ALPL: variants seen among roughly 807,000 people sequenced by gnomAD.
The protein encoded by ALPL is alkaline phosphatase, biomineralization associated.
In ALPL, 42 loss-of-function variants were observed where a neutral mutation model predicts 51.3. The observed-to-expected ratio is 0.82, with a 90% CI of 0.64 to 1.06. The LOEUF (loss-of-function observed/expected upper bound fraction) is 1.06. ALPL is among the 50% of genes least tolerant of loss of function. ALPL has a pLI of 0.00. For missense variants in ALPL, 589 were observed against 709.4 expected (o/e 0.83, Z 1.93); for synonymous variants, 279 against 296.4 (o/e 0.94, Z 0.60).
At position 21,568,047 on chromosome 1, in the gene ALPL, C is replaced by G. The variant is rs72874300; in HGVS notation, c.649-57C>G. 309 of 1,612,852 alleles carry G rather than the reference C, an allele frequency of 1.9e-4. 1 individual carries two copies. The African/African-American group carries it at 3.7e-3, about 19-fold the overall frequency. ...GAGTCCAGGTTCCAAGCCGAGGTCA[C>G]TGGGGCTTCTGGGCATCTTGGAACC... On this transcript the variant is annotated intron_variant, in intron 6 of 11. Transcript: ENST00000374840.
At chr1:21,537,672 G>A (rs565657635) in intron 1 of ALPL, among the ~76,000 whole-genome samples, 1 of 152,200 alleles carries the variant, frequency 6.6e-6, no homozygotes, top group Non-Finnish European at 1.5e-5. Context: ...TGCCATTGGT[G>A]ACCGAGGTTG....
intron 1 of ALPL, among the ~76,000 whole-genome samples, chr1:21,519,121 G>A (rs1025298251): frequency 1.3e-4 from 20 of 152,314 alleles, no homozygotes; most frequent in Middle Eastern, 3.4e-3. Context: ...CCCCTGCCTC[G>A]CCAAAGCACT....
At position 21,564,267 on chromosome 1, in the gene ALPL, G is replaced by A. The variant is rs751081295; in HGVS notation, c.648+51G>A. The A allele has an allele frequency of 1.4e-5, 22 of 1,604,236 alleles. No individual in the cohort carries two copies. Among genetic ancestry groups the A allele is most frequent in the Non-Finnish European group, 1.8e-5 (21 of 1,176,004 alleles). The stretch of plus-strand genomic sequence containing the variant: ...GGGACGGGGTGAGGCGGGGCCTCTG[G>A]TGGGCAGGAGGCCTCAGGCCCAGGC... On this transcript the variant is annotated intron_variant, in intron 6 of 11. Coordinates refer to ENST00000374840, the MANE Select transcript of ALPL (RefSeq NM_000478.6). The surrounding 1 kb of genome is among the most constrained non-coding windows in gnomAD (Gnocchi z 5.8).
At chr1:21,521,055 T>C (rs12145027) in intron 1 of ALPL, among the ~76,000 whole-genome samples, 34,083 of 152,182 alleles carry the variant, frequency 0.22, 4,441 homozygotes, top group South Asian at 0.42. Flanking sequence ...TTTGGATATC[T>C]TGAACCCTTT....
intron 1 of ALPL, among the ~76,000 whole-genome samples, chr1:21,510,464 AGGGAGGCAG>A (rs545972181): frequency 1.3e-5 from 2 of 152,318 alleles, no homozygotes; most frequent in East Asian, 3.9e-4. Flanking sequence ...CCAGCTGCCC[AGGGAGGCAG>A]GGGTTGGGTC....
intron 1 of ALPL, among the ~76,000 whole-genome samples, chr1:21,530,123 C>T (rs1256349): frequency 0.11 from 16,999 of 152,034 alleles, 1,259 homozygotes; most frequent in Non-Finnish European, 0.17. Context: ...CTGGTAGTGG[C>T]GTGGGGTGGG....
chr1:21,549,263 GCCACC>G (rs551399831), intron 1 of ALPL, among the ~76,000 whole-genome samples: 70 of 152,210 alleles, frequency 4.6e-4, no homozygotes, highest in African/African-American at 1.7e-3. Flanking sequence ...GGTGTTAACT[GCCACC>G]CCTGTGCCTA....
rs1264247512 is a variant in ALPL at position 21,554,020 on chromosome 1, C to A, written c.-62C>A. On this transcript the variant is annotated 5_prime_UTR_variant, in exon 2 of 12. Transcript: ENST00000374840. ...ACATCTGACCACTGCCAGCCCACCC[C>A]CTCCCACCCACGTCGATTGCATCTC... The A allele has an allele frequency of 3.8e-6, 4 of 1,053,210 alleles. No individual in the cohort carries two copies. The East Asian group carries it at 1.0e-4, about 26-fold the overall frequency. The allele number at this position is 1,053,210 out of a possible 1,614,324, so 65.2% of individuals were successfully genotyped here.
intron 1 of ALPL, among the ~76,000 whole-genome samples, chr1:21,548,087 C>T (rs1003930316): frequency 6.6e-6 from 1 of 152,142 alleles, no homozygotes; most frequent in African/African-American, 2.4e-5. Flanking sequence ...ACGGAGGAGC[C>T]GGGAGCCTGG....
In ALPL at chr1:21,513,569, C is replaced by G. The variant is rs138564430; in HGVS notation, c.-105+4052C>G. Among the ~76,000 whole-genome samples, 6 of 152,206 alleles carry G rather than the reference C, an allele frequency of 3.9e-5. No individual in the cohort carries two copies. In the East Asian group the frequency reaches 1.2e-3, roughly 29 times the overall value. ...GAGGAGTAGGAGTGGAGAGATGAGA[C>G]TTCCCTAAGACTTGGAATGGGTCTA... On this transcript the variant is annotated intron_variant, in intron 1 of 11. Transcript: ENST00000374840.
At chr1:21,545,293 G>GT (rs1300681499) in intron 1 of ALPL, among the ~76,000 whole-genome samples, 1 of 151,596 alleles carries the variant, frequency 6.6e-6, no homozygotes, top group Non-Finnish European at 1.5e-5. Flanking sequence ...TTTTGTTTTT[G>GT]TTTTTGTTTT....
intron 1 of ALPL, among the ~76,000 whole-genome samples, chr1:21,536,150 C>A (rs1393342275): frequency 6.6e-6 from 1 of 152,218 alleles, no homozygotes; most frequent in Non-Finnish European, 1.5e-5. Context: ...AAGTGAGGAT[C>A]TGAGTCCTGC....
intron 1 of ALPL, among the ~76,000 whole-genome samples, 157 bp from the exon 2 acceptor site, chr1:21,553,821 A>G (rs1376995525): frequency 1.3e-5 from 2 of 152,242 alleles, no homozygotes; most frequent in Non-Finnish European, 2.9e-5. Flanking sequence ...GACAGGGACC[A>G]GCTGGGTTTG....
At position 21,570,229 on chromosome 1, in the gene ALPL, C is replaced by G; in HGVS notation, c.793-76C>G. 8 of 1,456,662 alleles carry G rather than the reference C, an allele frequency of 5.5e-6. No homozygotes were observed. The South Asian group carries it at 9.4e-5, about 17-fold the overall frequency. 90.2% of individuals were successfully genotyped at this position (1,456,662 alleles called of 1,614,324 possible). A position where few individuals can be genotyped will look rare whatever the true frequency, so the allele number is the denominator to read the frequency against. ...GAAGGAAACAAGTAAAGGCCTCAGA[C>G]TCTGATAGCTGCTGGGGTCAGTCCT... On this transcript the variant is annotated intron_variant, in intron 7 of 11. Transcript: ENST00000374840.
At chr1:21,526,560 T>A (rs1011976096) in intron 1 of ALPL, among the ~76,000 whole-genome samples, 1 of 152,196 alleles carries the variant, frequency 6.6e-6, no homozygotes, top group Admixed American at 6.5e-5. Context: ...ATCCTTGAAA[T>A]TTTTAGGGAC....
At chr1:21,566,781 T>C (rs2148167910) in intron 6 of ALPL, among the ~76,000 whole-genome samples, 1 of 149,320 alleles carries the variant, frequency 6.7e-6, no homozygotes, top group Middle Eastern at 3.6e-3. Flanking sequence ...TTTATTTGTA[T>C]AGACAGGGTC....
At chr1:21,511,920 G>A (rs181057072) in intron 1 of ALPL, among the ~76,000 whole-genome samples, 275 of 152,344 alleles carry the variant, frequency 1.8e-3, no homozygotes, top group African/African-American at 5.9e-3. Context: ...TGCGTATCTA[G>A]AATTCCAAAT....
chr1:21,543,377 C>T (rs1226269456), intron 1 of ALPL, among the ~76,000 whole-genome samples: 1 of 152,070 alleles, frequency 6.6e-6, no homozygotes, highest in Non-Finnish European at 1.5e-5. Context: ...AGGGTAGGGA[C>T]GATTAGCCCC....
At chr1:21,523,327 G>A (rs1206417737) in intron 1 of ALPL, among the ~76,000 whole-genome samples, 2 of 152,078 alleles carry the variant, frequency 1.3e-5, no homozygotes, top group Non-Finnish European at 2.9e-5. Flanking sequence ...CAAAAATGGG[G>A]AATAAGCTCA....
Sources: allele counts gnomAD v4.1 joint callset (sites outside exome capture counted in the v4.1 genomes callset), GRCh38; gene constraint gnomAD v4.1.1; non-coding constraint Gnocchi (gnomAD v3.1); transcripts MANE v1.5; gene names NCBI Gene and HGNC (gene_info 2026-07-23, HGNC 2026-07-21).